The following ZCCHC17 variants were observed in gnomAD, a reference collection of about 807,000 sequenced individuals.
ZCCHC17 encodes the protein zinc finger CCHC domain-containing protein 17.
A neutral mutation model predicts 30.6 loss-of-function variants in ZCCHC17; 18 were observed. The ratio of observed to expected loss-of-function variants is 0.59; its 90% confidence interval spans 0.41 to 0.87. The LOEUF is 0.87. Ranked by LOEUF, ZCCHC17 falls within the 40% of genes least tolerant of loss-of-function variation. The pLI is 0.00. For missense variants in ZCCHC17, 263 were observed against 284.2 expected (o/e 0.93, Z 0.54); for synonymous variants, 88 against 92.4 (o/e 0.95, Z 0.27).
intron 3 of ZCCHC17, among the ~76,000 whole-genome samples, chr1:31,335,880 C>G (rs959342521): frequency 1.3e-5 from 2 of 152,034 alleles, no homozygotes; most frequent in African/African-American, 2.4e-5. Flanking sequence ...CCTTTTTTAA[C>G]TTAACGTCTA....
At chr1:31,334,537 A>G (rs558420857) in intron 3 of ZCCHC17, among the ~76,000 whole-genome samples, 1 of 152,304 alleles carries the variant, frequency 6.6e-6, no homozygotes, top group African/African-American at 2.4e-5. Flanking sequence ...GTAATCCTCT[A>G]TTATTATTTA....
chr1:31,358,506 T>C (rs1639733422), intron 7 of ZCCHC17, among the ~76,000 whole-genome samples: 1 of 152,076 alleles, frequency 6.6e-6, no homozygotes, highest in Non-Finnish European at 1.5e-5. Flanking sequence ...GCAAAAATGA[T>C]GAGAAAGGAG....
intron 7 of ZCCHC17, among the ~76,000 whole-genome samples, chr1:31,355,606 A>G (rs1639615949): frequency 6.6e-6 from 1 of 152,214 alleles, no homozygotes; most frequent in African/African-American, 2.4e-5. Flanking sequence ...TCTTTTCTGT[A>G]TATCACACTT....
intron 3 of ZCCHC17, among the ~76,000 whole-genome samples, chr1:31,330,672 T>A (rs1258235489): frequency 6.6e-6 from 1 of 152,216 alleles, no homozygotes; most frequent in Non-Finnish European, 1.5e-5. Flanking sequence ...AAACTCATAT[T>A]TGAATTGCAC....
chr1:31,312,053 A>G (rs1406028692), intron 2 of ZCCHC17, among the ~76,000 whole-genome samples: 1 of 151,910 alleles, frequency 6.6e-6, no homozygotes, highest in African/African-American at 2.4e-5. Context: ...CTTATCAAAC[A>G]CAAAATCTGC....
chr1:31,315,576 TA>T (rs140023157), intron 2 of ZCCHC17, among the ~76,000 whole-genome samples: 3 of 151,350 alleles, frequency 2.0e-5, no homozygotes, highest in Middle Eastern at 3.4e-3. Context: ...GGACTAGAAG[TA>T]AAAAAAAAGT....
At chr1:31,346,768 G>GT in intron 6 of ZCCHC17, 28 bp downstream of exon 6, 2 of 1,613,692 alleles carry the variant, frequency 1.2e-6, no homozygotes, top group Non-Finnish European at 1.7e-6. Context: ...CCCTTTCCAC[G>GT]TTTCTCTCCT....
chr1:31,306,760 T>C (rs1646469308), intron 1 of ZCCHC17, among the ~76,000 whole-genome samples: 1 of 152,184 alleles, frequency 6.6e-6, no homozygotes, highest in Non-Finnish European at 1.5e-5. Flanking sequence ...CTTGATCTCC[T>C]TGGCTCAAGC....
chr1:31,340,025 C>T (rs1049885597), intron 5 of ZCCHC17, among the ~76,000 whole-genome samples: 9 of 126,228 alleles, frequency 7.1e-5, no homozygotes, highest in Non-Finnish European at 1.1e-4. Flanking sequence ...GCCATAATCA[C>T]GGCTTACTGC....
intron 2 of ZCCHC17, among the ~76,000 whole-genome samples, chr1:31,317,441 T>C (rs6425737): frequency 0.54 from 82,610 of 152,030 alleles, 23,349 homozygotes; most frequent in Non-Finnish European, 0.62. Flanking sequence ...CATTATGTGC[T>C]ACATACCTAT....
At chr1:31,350,534 A>G (rs924797413) in intron 7 of ZCCHC17, among the ~76,000 whole-genome samples, 1 of 152,126 alleles carries the variant, frequency 6.6e-6, no homozygotes, top group African/African-American at 2.4e-5. Flanking sequence ...GGCTGGAGTC[A>G]GTCAAATCCA....
intron 5 of ZCCHC17, 135 bp from the exon 6 acceptor site, chr1:31,346,505 C>A: frequency 1.0e-6 from 1 of 959,724 alleles, no homozygotes; most frequent in Non-Finnish European, 1.5e-6. Flanking sequence ...TACTGCCTGT[C>A]TCGTTCTGTC....
intron 2 of ZCCHC17, among the ~76,000 whole-genome samples, chr1:31,314,928 A>G (rs1037812537): frequency 2.6e-5 from 4 of 152,174 alleles, no homozygotes; most frequent in Non-Finnish European, 5.9e-5. Flanking sequence ...TGGCCTCCCA[A>G]AGTGCTGGGA....
intron 5 of ZCCHC17, among the ~76,000 whole-genome samples, chr1:31,345,567 A>AT (rs1394716349): frequency 3.0e-5 from 3 of 99,542 alleles, no homozygotes; most frequent in Non-Finnish European, 4.2e-5. Flanking sequence ...TATATAATAT[A>AT]ATATATATAT....
chr1:31,358,119 A>G (rs77492457), intron 7 of ZCCHC17, among the ~76,000 whole-genome samples: 2,967 of 152,366 alleles, frequency 0.019, 41 homozygotes, highest in Non-Finnish European at 0.029. Flanking sequence ...GACACAAGCT[A>G]TTCAGGTAAG....
chr1:31,327,310 G>T (rs1406064686), intron 3 of ZCCHC17, among the ~76,000 whole-genome samples: 8 of 152,172 alleles, frequency 5.3e-5, no homozygotes, highest in African/African-American at 1.9e-4. Flanking sequence ...CAAGTCCTGG[G>T]CCACTTGTAC....
At chr1:31,337,084 G>T in intron 3 of ZCCHC17, 91 bp from the exon 4 acceptor site, 1 of 1,206,560 alleles carries the variant, frequency 8.3e-7, no homozygotes. Flanking sequence ...TTTTTCCCTT[G>T]CATTCCCCAA....
At chr1:31,309,041 TTAA>T (rs1354210855) in intron 1 of ZCCHC17, among the ~76,000 whole-genome samples, 1 of 152,232 alleles carries the variant, frequency 6.6e-6, no homozygotes, top group Non-Finnish European at 1.5e-5. Context: ...TTCTTTATTA[TTAA>T]TGTATTATCT....
chr1:31,319,394 T>C (rs1646809837), intron 3 of ZCCHC17, among the ~76,000 whole-genome samples: 1 of 152,198 alleles, frequency 6.6e-6, no homozygotes, highest in African/African-American at 2.4e-5. Context: ...GGTTTACTTC[T>C]GAAACCAGCT....
Sources: allele counts gnomAD v4.1 joint callset (sites outside exome capture counted in the v4.1 genomes callset), GRCh38; gene constraint gnomAD v4.1.1; transcripts MANE v1.5; gene names NCBI Gene and HGNC (gene_info 2026-07-23, HGNC 2026-07-21).